The following SORCS3 variants were observed in gnomAD, a reference collection of about 807,000 sequenced individuals.
SORCS3 encodes sortilin related VPS10 domain containing receptor 3.
In SORCS3, 57 loss-of-function variants were observed where a neutral mutation model predicts 146.3. The ratio of observed to expected loss-of-function variants is 0.39; its 90% CI spans 0.31 to 0.49. The LOEUF (loss-of-function observed/expected upper bound fraction) is 0.49, where lower values mean the gene tolerates loss of function less well. Ranked by LOEUF, SORCS3 falls within the 20% of genes least tolerant of loss-of-function variation. SORCS3 has a pLI of 0.92. For missense variants in SORCS3, 1,341 were observed against 1,575.5 expected, an observed-to-expected ratio of 0.85 and a Z score of 2.52; for synonymous variants, 653 against 618.5, an observed-to-expected ratio of 1.06 and a Z score of -0.83.
intron 19 of SORCS3, among the ~76,000 whole-genome samples, chr10:105,220,034 G>C (rs1589694326): frequency 6.6e-6 from 1 of 152,184 alleles, no homozygotes; most frequent in Non-Finnish European, 1.5e-5. Flanking sequence ...GCTAACAAAA[G>C]TAGTTGTTAG....
intron 5 of SORCS3, among the ~76,000 whole-genome samples, chr10:105,051,220 TG>T (rs1404405666): frequency 6.6e-6 from 1 of 152,132 alleles, no homozygotes; most frequent in African/African-American, 2.4e-5. Flanking sequence ...TTAATTTCAT[TG>T]GTACAAATAC....
chr10:104,776,788 A>G (rs2017313233), intron 1 of SORCS3, among the ~76,000 whole-genome samples: 1 of 151,680 alleles, frequency 6.6e-6, no homozygotes, highest in Admixed American at 6.6e-5. Flanking sequence ...GAAAAATTGT[A>G]ATACTCAGAG....
intron 4 of SORCS3, among the ~76,000 whole-genome samples, chr10:105,039,217 T>A (rs560294360): frequency 1.3e-5 from 2 of 152,314 alleles, no homozygotes; most frequent in South Asian, 4.1e-4. Flanking sequence ...GAATAAAATA[T>A]GTTTCAGACT....
At chr10:105,089,413 A>C (rs1455809569) in intron 5 of SORCS3, among the ~76,000 whole-genome samples, 1 of 152,228 alleles carries the variant, frequency 6.6e-6, no homozygotes, top group Admixed American at 6.5e-5. Context: ...AAGTTAAGAC[A>C]GAGGAGATAG....
chr10:104,988,425 C>T (rs1339654537), intron 4 of SORCS3, among the ~76,000 whole-genome samples: 1 of 152,100 alleles, frequency 6.6e-6, no homozygotes, highest in Admixed American at 6.6e-5. Flanking sequence ...AGGGTAGAAG[C>T]CATCAGACTG....
chr10:104,663,347 G>A (rs1447600009), intron 1 of SORCS3, among the ~76,000 whole-genome samples: 1 of 152,212 alleles, frequency 6.6e-6, no homozygotes, highest in Non-Finnish European at 1.5e-5. Context: ...GTGTGGGAAA[G>A]CAGGTTATTA....
intron 7 of SORCS3, among the ~76,000 whole-genome samples, chr10:105,126,948 C>A (rs908309938): frequency 6.6e-6 from 1 of 152,082 alleles, no homozygotes; most frequent in African/African-American, 2.4e-5. Flanking sequence ...ATGTTGTTTG[C>A]TTTCCCAAAG....
intron 4 of SORCS3, among the ~76,000 whole-genome samples, chr10:105,017,541 C>T (rs187970982): frequency 2.6e-5 from 4 of 152,296 alleles, no homozygotes; most frequent in Non-Finnish European, 4.4e-5. Flanking sequence ...GGGAGGCACT[C>T]ATGGGCTTTA....
In SORCS3 at chr10:104,812,181, G is replaced by A. The variant is rs79783481; in HGVS notation, c.628-30611G>A. Among the ~76,000 whole-genome samples the A allele has an allele frequency of 4.4e-3, 674 of 152,236 alleles. 3 individuals are homozygous for A. Among genetic ancestry groups the A allele is most frequent in the African/African-American group, 0.015 (630 of 41,552 alleles). On this transcript the variant is annotated intron_variant, in intron 1 of 26. Transcript: ENST00000369701. ...AGCGCACCTAGAATGTCAGAGTAAG[G>A]ACACAGTGCATCTTAGTCCAGTGAT...
At chr10:105,089,929 A>G in intron 6 of SORCS3, 90 bp downstream of exon 6, 1 of 1,033,626 alleles carries the variant, frequency 9.7e-7, no homozygotes, top group Non-Finnish European at 1.5e-6. Flanking sequence ...TCTTGGGAAG[A>G]TGAAAAGCTC....
At chr10:104,705,497 G>C (rs1178960486) in intron 1 of SORCS3, among the ~76,000 whole-genome samples, 1 of 152,062 alleles carries the variant, frequency 6.6e-6, no homozygotes, top group Non-Finnish European at 1.5e-5. Context: ...ACTAAACTTT[G>C]ACAGAAGCTT....
At position 104,641,891 on chromosome 10, in the gene SORCS3, C is replaced by T. The variant is rs762119309; in HGVS notation, c.564C>T (p.Phe188=). The part of the protein sequence containing the change: ...AEDLRLPSTS[F]ALTGDSAHNQ... ...ACCTCCGGCTGCCCAGCACCTCCTTCGCGCTGACCGGGGACTCGGCCCACA... is the reference window on the plus strand; with the variant it reads ...ACCTCCGGCTGCCCAGCACCTCCTTTGCGCTGACCGGGGACTCGGCCCACA... Residue 188 remains phenylalanine, a synonymous_variant, in exon 1 of 27, where the codon TTC becomes TTT. Coordinates refer to ENST00000369701, the MANE Select transcript of SORCS3 (RefSeq NM_014978.3). The surrounding 1 kb of genome is among the most constrained non-coding windows in gnomAD (Gnocchi z 6.4). 10 of 1,594,666 alleles carry T rather than the reference C, an allele frequency of 6.3e-6. No individual in the cohort carries two copies. The highest frequency in any genetic ancestry group is 2.2e-5 in the South Asian group (2 of 88,912).
intron 4 of SORCS3, among the ~76,000 whole-genome samples, chr10:105,014,009 AG>A (rs2055149968): frequency 6.8e-6 from 1 of 148,032 alleles, no homozygotes; most frequent in Non-Finnish European, 1.5e-5. Context: ...ACACACACAC[AG>A]GCATGGGAAA....
chr10:104,750,538 C>G (rs1463104824), intron 1 of SORCS3, among the ~76,000 whole-genome samples: 1 of 152,176 alleles, frequency 6.6e-6, no homozygotes, highest in Non-Finnish European at 1.5e-5. Flanking sequence ...GAGATGCAGG[C>G]TTCACTTTTC....
intron 14 of SORCS3, among the ~76,000 whole-genome samples, chr10:105,198,795 T>G (rs2119610349): frequency 6.6e-6 from 1 of 152,372 alleles, no homozygotes; most frequent in East Asian, 1.9e-4. Flanking sequence ...AAAGTCTGCT[T>G]AATTTTCTTT....
At chr10:104,746,272 G>T (rs1052526359) in intron 1 of SORCS3, among the ~76,000 whole-genome samples, 19 of 151,848 alleles carry the variant, frequency 1.3e-4, no homozygotes, top group Non-Finnish European at 2.5e-4. Flanking sequence ...CAGTAGCTGG[G>T]ACTACAGGTG....
intron 22 of SORCS3, among the ~76,000 whole-genome samples, chr10:105,248,732 G>T (rs902700852): frequency 8.6e-6 from 1 of 116,346 alleles, no homozygotes; most frequent in Non-Finnish European, 1.8e-5. Context: ...AAAAAAAAAA[G>T]AGTACAACAT....
intron 1 of SORCS3, among the ~76,000 whole-genome samples, chr10:104,816,892 C>T (rs1319817707): frequency 6.6e-6 from 1 of 152,188 alleles, no homozygotes; most frequent in Non-Finnish European, 1.5e-5. Context: ...ATCCTTCTCT[C>T]CTCTCTCTTT....
intron 1 of SORCS3, among the ~76,000 whole-genome samples, chr10:104,668,070 G>T (rs2015804833): frequency 6.6e-6 from 1 of 152,140 alleles, no homozygotes; most frequent in African/African-American, 2.4e-5. Flanking sequence ...GTCTCAATTT[G>T]GTCTCCAGTG....
Sources: allele counts gnomAD v4.1 joint callset (sites outside exome capture counted in the v4.1 genomes callset), GRCh38; gene constraint gnomAD v4.1.1; non-coding constraint Gnocchi (gnomAD v3.1); transcripts MANE v1.5; gene names NCBI Gene and HGNC (gene_info 2026-07-23, HGNC 2026-07-21).